The following CD163L1 variants were observed in gnomAD, a reference collection of about 807,000 sequenced individuals.
CD163L1 encodes the protein CD163 molecule like 1, also known as scavenger receptor cysteine-rich type 1 protein M160.
CD163L1 carries 124 observed loss-of-function variants against 165.4 expected under a neutral mutation model. The ratio of observed to expected loss-of-function variants is 0.75; its 90% CI spans 0.65 to 0.87. The LOEUF (loss-of-function observed/expected upper bound fraction) is 0.87. Ranked by LOEUF, CD163L1 falls within the 40% of genes least tolerant of loss-of-function variation. The probability of loss-of-function intolerance (pLI) is 0.00; values close to 1 mark genes in which losing one functional copy is unlikely to be tolerated. For synonymous variants in CD163L1, 585 were observed against 662.2 expected, an observed-to-expected ratio of 0.88 and a Z score of 1.79; for missense variants, 1,525 against 1,799.9, an observed-to-expected ratio of 0.85 and a Z score of 2.76.
chr12:7,392,499 A>G (rs779355144), intron 8 of CD163L1, among the ~76,000 whole-genome samples: 1 of 152,328 alleles, frequency 6.6e-6, no homozygotes, highest in East Asian at 1.9e-4. Flanking sequence ...ACACCCTAAT[A>G]TCACAGTTAA....
rs920870194 is a variant in CD163L1, at chr12:7,368,595, C to T, written c.4072+338G>A. Among the ~76,000 whole-genome samples the T allele has an allele frequency of 6.7e-6, 1 of 149,874 alleles. No homozygotes were observed. The highest frequency in any genetic ancestry group is 1.5e-5 in the Non-Finnish European group (1 of 67,718). ...CAGGCTGAGTGTACTGGCACGATCTCGGCTCACTGCAATCTCTGCTTCCTG... is the reference window on the plus strand; with the variant it reads ...CAGGCTGAGTGTACTGGCACGATCTTGGCTCACTGCAATCTCTGCTTCCTG... On this transcript the variant is annotated intron_variant, in intron 16 of 19. Transcript: ENST00000313599. The surrounding 1 kb of genome is among the most constrained non-coding windows in gnomAD (Gnocchi z 4.3).
At chr12:7,441,720 C>G (rs1321811171) in intron 1 of CD163L1, among the ~76,000 whole-genome samples, 1 of 152,170 alleles carries the variant, frequency 6.6e-6, no homozygotes, top group African/African-American at 2.4e-5. Context: ...AATAAGTGTT[C>G]TTGCCTGTAT....
At chr12:7,322,437 C>T in the CD163L1 span, 69 of 1,613,608 alleles carry the variant, frequency 4.3e-5, no homozygotes, top group East Asian at 4.5e-4. Flanking sequence ...CAAGAGTCTG[C>T]GGCACTGCTT....
the CD163L1 span, among the ~76,000 whole-genome samples, chr12:7,323,888 A>T: frequency 6.6e-6 from 1 of 152,108 alleles, no homozygotes; most frequent in Non-Finnish European, 1.5e-5. Context: ...AAAAAAATTT[A>T]ATTTCCAGCC....
intron 4 of CD163L1, among the ~76,000 whole-genome samples, chr12:7,421,057 G>GTATATATGTATATATACGTA: frequency 1.3e-5 from 1 of 79,366 alleles, no homozygotes; most frequent in South Asian, 5.0e-4. Flanking sequence ...ATGTATATAC[G>GTATATATGTATATATACGTA]TATATATGTA....
the CD163L1 span, among the ~76,000 whole-genome samples, chr12:7,334,217 T>C: frequency 2.0e-5 from 3 of 152,174 alleles, no homozygotes; most frequent in African/African-American, 7.2e-5. Flanking sequence ...ATATCCTTGA[T>C]GAACATTGAT....
intron 9 of CD163L1, among the ~76,000 whole-genome samples, chr12:7,376,768 C>A (rs1313413878): frequency 6.6e-6 from 1 of 152,134 alleles, no homozygotes; most frequent in East Asian, 1.9e-4. Context: ...TGCCCATAAT[C>A]CCAAAACTTC....
chr12:7,374,280 G>C lies in CD163L1; in HGVS notation c.3409+162C>G, dbSNP rs375969841. Among the ~76,000 whole-genome samples, 53 of 152,252 alleles carry C rather than the reference G, an allele frequency of 3.5e-4. 1 individual carries two copies. The highest frequency in any genetic ancestry group is 1.0e-3 in the African/African-American group (42 of 41,542). ...TACCCAGACAAATGTAATATGACAA[G>C]GGTATTAAGAAATCAGTATAAGAGA... On this transcript the variant is annotated intron_variant, in intron 13 of 19. Coordinates refer to ENST00000313599, the MANE Select transcript of CD163L1 (RefSeq NM_174941.6). The surrounding 1 kb of genome is among the most constrained non-coding windows in gnomAD (Gnocchi z 5.4).
chr12:7,406,586 C>T lies in CD163L1; in HGVS notation c.1033G>A (p.Gly345Arg), dbSNP rs192198441. ...TGAAGACAGTCAAAATTGACGGTTC[C>T]GGAATGTCTGCAGTCCCAAAGAAAA... ...ESFLWDCRHSGTVNFDCLHQN... is the reference protein window; with the variant it reads ...ESFLWDCRHSRTVNFDCLHQN... The change falls in exon 5 of 20, where the codon GGA becomes AGA. Residue 345 changes from glycine (G) to arginine (R), a missense_variant. Gly to Arg is a moderately radical substitution (Grantham distance 125). Coordinates refer to ENST00000313599, the MANE Select transcript of CD163L1 (RefSeq NM_174941.6). 3.4e-5 allele frequency: 55 copies of T among 1,614,002 alleles called. No individual in the cohort carries two copies. The highest frequency in any genetic ancestry group is 4.2e-5 in the Non-Finnish European group (49 of 1,179,982).
At chr12:7,431,266 C>A (rs1948622706) in intron 4 of CD163L1, among the ~76,000 whole-genome samples, 1 of 151,942 alleles carries the variant, frequency 6.6e-6, no homozygotes, top group Admixed American at 6.6e-5. Flanking sequence ...ATTAAAAATA[C>A]TGTAGCCGGG....
intron 18 of CD163L1, among the ~76,000 whole-genome samples, chr12:7,363,214 CAGG>C (rs1173154083): frequency 6.6e-6 from 1 of 151,902 alleles, no homozygotes; most frequent in African/African-American, 2.4e-5. Context: ...GAGTTTGAGG[CAGG>C]AGATTTGCTT....
intron 6 of CD163L1, among the ~76,000 whole-genome samples, chr12:7,399,855 GT>G (rs1697681716): frequency 6.6e-6 from 1 of 151,982 alleles, no homozygotes; most frequent in South Asian, 2.1e-4. Context: ...GCCTCCCAAA[GT>G]ACCAGGGTTA....
At chr12:7,397,719 C>T (rs1947809817) in intron 7 of CD163L1, among the ~76,000 whole-genome samples, 9 of 152,186 alleles carry the variant, frequency 5.9e-5, no homozygotes, top group Admixed American at 3.9e-4. Context: ...CAAGTCCCAG[C>T]AGGCTCCAAA....
chr12:7,368,972 G>A lies in CD163L1; in HGVS notation c.4040-7C>T. ...AGTGATTTCAGCGACTGTCCTGAGA[G>A]AGAGAGAGAGAGAGAGAGACGTAAA... On this transcript the variant is annotated splice_polypyrimidine_tract_variant and splice_region_variant and intron_variant, in intron 15 of 19. Coordinates refer to ENST00000313599, the MANE Select transcript of CD163L1 (RefSeq NM_174941.6). The surrounding 1 kb of genome is among the most constrained non-coding windows in gnomAD (Gnocchi z 4.3). 6.3e-7 allele frequency: 1 copy of A among 1,580,426 alleles called. No homozygotes were observed. Among genetic ancestry groups the A allele is most frequent in the Non-Finnish European group, 8.7e-7 (1 of 1,153,828 alleles).
chr12:7,361,851 T>C (rs1180513828), intron 18 of CD163L1, among the ~76,000 whole-genome samples: 2 of 151,944 alleles, frequency 1.3e-5, no homozygotes, highest in Non-Finnish European at 2.9e-5. Flanking sequence ...CCACCATCTA[T>C]CTCCAAAATT....
At position 7,421,504 on chromosome 12, in the gene CD163L1, T is replaced by C. The variant is rs1361910547; in HGVS notation, c.766+10912A>G. Reference sequence around the variant, plus strand: ...ATGTACATATATACATATATGTACATATACATATACATATATGTACATATA... The same window carrying C: ...ATGTACATATATACATATATGTACACATACATATACATATATGTACATATA... On this transcript the variant is annotated intron_variant, in intron 4 of 19. Coordinates refer to ENST00000313599, the MANE Select transcript of CD163L1 (RefSeq NM_174941.6). Among the ~76,000 whole-genome samples the C allele has an allele frequency of 1.4e-4, 12 of 86,744 alleles. 2 individuals are homozygous for C. The highest frequency in any genetic ancestry group is 5.1e-4 in the African/African-American group (9 of 17,746). 56.9% of individuals were successfully genotyped at this position (86,744 alleles called of 152,430 possible). A position where few individuals can be genotyped will look rare whatever the true frequency, so the allele number is the denominator to read the frequency against.
At chr12:7,438,748 G>C in intron 2 of CD163L1, 3 of 1,238,650 alleles carry the variant, frequency 2.4e-6, no homozygotes, top group Non-Finnish European at 3.4e-6. Context: ...CACTCAACAC[G>C]GGTTTTCTGC....
chr12:7,393,054 C>T (rs1947691279), intron 8 of CD163L1, among the ~76,000 whole-genome samples: 1 of 152,170 alleles, frequency 6.6e-6, no homozygotes, highest in African/African-American at 2.4e-5. Flanking sequence ...AAAAAGGAAT[C>T]CTCCCTAACT....
chr12:7,376,720 G>C (rs543905222), intron 9 of CD163L1, among the ~76,000 whole-genome samples: 1 of 151,714 alleles, frequency 6.6e-6, no homozygotes. Flanking sequence ...ACTATATCTC[G>C]CCTTTCAGAA....
Sources: gnomAD v4.1 joint callset for allele counts (sites outside exome capture counted in the v4.1 genomes callset) on GRCh38, gnomAD v4.1.1 for gene constraint, Gnocchi (gnomAD v3.1) non-coding constraint, MANE v1.5 for transcripts, NCBI Gene and HGNC (gene_info 2026-07-23, HGNC 2026-07-21) for gene names.